The following ATXN8OS variants were observed in gnomAD, a reference collection of about 807,000 sequenced individuals.
The protein encoded by ATXN8OS is ATXN8 opposite strand lncRNA, also known as ATXN8 opposite strand (non-protein coding).
chr13:70,165,590 T>C (rs1889067917), intron 4 of ATXN8OS, among the ~76,000 whole-genome samples: 1 of 152,022 alleles, frequency 6.6e-6, no homozygotes, highest in Admixed American at 6.6e-5. Context: ...CATCAGTGAA[T>C]AATTATCTGC....
At chr13:70,118,186 C>T (rs1888307853) in intron 2 of ATXN8OS, among the ~76,000 whole-genome samples, 2 of 151,952 alleles carry the variant, frequency 1.3e-5, no homozygotes, top group Admixed American at 1.3e-4. Context: ...TTATCCTCTC[C>T]TGTGAGTTGG....
intron 4 of ATXN8OS, among the ~76,000 whole-genome samples, chr13:70,154,226 C>T (rs969940055): frequency 6.6e-6 from 1 of 152,112 alleles, no homozygotes; most frequent in African/African-American, 2.4e-5. Context: ...AAGTTTTGTT[C>T]CCAGTCCATG....
intron 3 of ATXN8OS, among the ~76,000 whole-genome samples, chr13:70,133,976 T>C (rs928210492): frequency 1.3e-5 from 2 of 152,228 alleles, no homozygotes; most frequent in Admixed American, 6.5e-5. Context: ...TTTTATTCAT[T>C]GGCCTAGTAA....
chr13:70,168,842 G>A (rs1030933714), intron 4 of ATXN8OS, among the ~76,000 whole-genome samples: 2 of 152,130 alleles, frequency 1.3e-5, no homozygotes, highest in Admixed American at 6.5e-5. Flanking sequence ...TTTTGTGAAT[G>A]TGCAGTAGTC....
intron 3 of ATXN8OS, among the ~76,000 whole-genome samples, chr13:70,137,546 C>G (rs1024863925): frequency 2.0e-5 from 3 of 152,056 alleles, no homozygotes; most frequent in African/African-American, 4.8e-5. Context: ...ACTGACATGA[C>G]CAGATTTTGT....
At chr13:70,163,296 G>T (rs1198949325) in intron 4 of ATXN8OS, among the ~76,000 whole-genome samples, 3 of 151,928 alleles carry the variant, frequency 2.0e-5, no homozygotes, top group Admixed American at 1.3e-4. Flanking sequence ...TCTCACTGCT[G>T]GTGTGGAAGA....
chr13:70,140,548 G>A (rs1200882070), intron 3 of ATXN8OS, among the ~76,000 whole-genome samples: 5 of 92,836 alleles, frequency 5.4e-5, no homozygotes, highest in East Asian at 3.8e-4. Context: ...AAAAAAAAAC[G>A]GAGAAGAAAT....
chr13:70,123,291 T>A lies in ATXN8OS; in HGVS notation n.399-6493T>A, dbSNP rs141397040. Reference sequence around the variant, plus strand: ...ATTGTGCATCTTAACAATAAACTCTTTAATGGCAATTTTAGATTATTACAT... The same window carrying A: ...ATTGTGCATCTTAACAATAAACTCTATAATGGCAATTTTAGATTATTACAT... On this transcript the variant is annotated intron_variant and non_coding_transcript_variant, in intron 2 of 4. Coordinates refer to ENST00000678624, the Ensembl canonical transcript of ATXN8OS. Among the ~76,000 whole-genome samples, 535 of 152,226 alleles carry A rather than the reference T, an allele frequency of 3.5e-3. 2 individuals carry two copies. Among genetic ancestry groups the A allele is most frequent in the African/African-American group, 0.012 (503 of 41,560 alleles).
chr13:70,126,458 G>A (rs184128279), intron 2 of ATXN8OS, among the ~76,000 whole-genome samples: 2 of 151,932 alleles, frequency 1.3e-5, no homozygotes, highest in African/African-American at 2.4e-5. Flanking sequence ...TATAAATTAG[G>A]CTAAGTTGTG....
intron 3 of ATXN8OS, among the ~76,000 whole-genome samples, chr13:70,139,832 A>G (rs1196831395): frequency 3.3e-5 from 5 of 152,150 alleles, no homozygotes; most frequent in Non-Finnish European, 7.4e-5. Flanking sequence ...ACATTTCTAT[A>G]CAACTATTCT....
At chr13:70,118,246 C>A (rs909129715) in intron 2 of ATXN8OS, among the ~76,000 whole-genome samples, 1 of 152,006 alleles carries the variant, frequency 6.6e-6, no homozygotes, top group Non-Finnish European at 1.5e-5. Flanking sequence ...CAAAAAAAAT[C>A]TTGGCAATAG....
chr13:70,140,059 T>C (rs749709812), intron 3 of ATXN8OS, among the ~76,000 whole-genome samples: 2 of 152,128 alleles, frequency 1.3e-5, no homozygotes, highest in East Asian at 3.9e-4. Context: ...CAACTCTTCA[T>C]AAAAAATTCT....
intron 1 of ATXN8OS, among the ~76,000 whole-genome samples, chr13:70,109,290 A>G (rs1289065938): frequency 6.6e-6 from 1 of 152,156 alleles, no homozygotes; most frequent in Admixed American, 6.5e-5. Context: ...CTTTCCTTTA[A>G]TGAGCCATTA....
At chr13:70,127,929 C>A (rs143901963) in intron 2 of ATXN8OS, among the ~76,000 whole-genome samples, 1 of 151,906 alleles carries the variant, frequency 6.6e-6, no homozygotes, top group Non-Finnish European at 1.5e-5. Flanking sequence ...AATGAGTGAG[C>A]GAGTTTTCAC....
At chr13:70,110,745 T>G (rs1888189312) in intron 1 of ATXN8OS, among the ~76,000 whole-genome samples, 1 of 152,098 alleles carries the variant, frequency 6.6e-6, no homozygotes, top group Non-Finnish European at 1.5e-5. Context: ...AAACTTTGAT[T>G]GATCACTTAG....
At chr13:70,166,396 C>T (rs374931463) in intron 4 of ATXN8OS, among the ~76,000 whole-genome samples, 3 of 151,946 alleles carry the variant, frequency 2.0e-5, no homozygotes, top group South Asian at 2.1e-4. Context: ...ACAAACCTGA[C>T]AAAAACAAGA....
intron 4 of ATXN8OS, among the ~76,000 whole-genome samples, chr13:70,149,368 A>T (rs1281092062): frequency 6.6e-6 from 1 of 152,130 alleles, no homozygotes; most frequent in Non-Finnish European, 1.5e-5. Context: ...GATTGTAATA[A>T]CATTAAATTA....
intron 2 of ATXN8OS, among the ~76,000 whole-genome samples, chr13:70,122,504 A>C (rs1364305738): frequency 6.6e-6 from 1 of 152,060 alleles, no homozygotes; most frequent in East Asian, 1.9e-4. Context: ...TCTTAGAGAG[A>C]GATCTACATC....
chr13:70,136,196 T>A (rs1888611704), intron 3 of ATXN8OS, among the ~76,000 whole-genome samples: 1 of 152,208 alleles, frequency 6.6e-6, no homozygotes, highest in Admixed American at 6.5e-5. Context: ...GGTAGAAATC[T>A]GGCTATTTGT....
Sources: gnomAD v4.1 joint callset for allele counts (sites outside exome capture counted in the v4.1 genomes callset) on GRCh38, gnomAD v4.1.1 for gene constraint, MANE v1.5 for transcripts, NCBI Gene and HGNC (gene_info 2026-07-23, HGNC 2026-07-21) for gene names.